Variants in BACH2 observed in about 807,000 individuals in gnomAD.
BACH2 encodes the protein BACH transcriptional regulator 2.
A neutral mutation model predicts 61.8 loss-of-function variants in BACH2; 5 were observed. The ratio of observed to expected loss-of-function variants is 0.08; its 90% CI spans 0.04 to 0.17. The LOEUF is 0.17. Ranked by LOEUF, BACH2 falls within the 10% of genes least tolerant of loss-of-function variation. The pLI is 1.00. For synonymous variants in BACH2, 446 were observed against 440.1 expected, an observed-to-expected ratio of 1.01 and a Z score of -0.17; for missense variants, 824 against 1,091.1, an observed-to-expected ratio of 0.76 and a Z score of 3.45.
intron 8 of BACH2, among the ~76,000 whole-genome samples, chr6:89,933,376 G>A (rs1206678996): frequency 2.6e-5 from 4 of 152,168 alleles, no homozygotes; most frequent in African/African-American, 9.7e-5. Context: ...TGGTTGTTAG[G>A]GGTAAAAGGG....
chr6:90,112,099 C>T (rs1177515735), intron 4 of BACH2, among the ~76,000 whole-genome samples: 1 of 152,204 alleles, frequency 6.6e-6, no homozygotes, highest in Non-Finnish European at 1.5e-5. Context: ...ACCTTCTTGA[C>T]TATTTTTCTG....
At position 90,048,313 on chromosome 6, in the gene BACH2, G is replaced by A. The variant is rs896103199; in HGVS notation, c.-12-39457C>T. 4.6e-5 allele frequency among the ~76,000 whole-genome samples: 7 copies of A among 152,168 alleles called. No individual in the cohort carries two copies. In the East Asian group the frequency reaches 1.2e-3, roughly 25 times the overall value. On this transcript the variant is annotated intron_variant, in intron 5 of 8. Coordinates refer to ENST00000257749, the MANE Select transcript of BACH2 (RefSeq NM_021813.4). ...GCAGCTAATTTTTGTGTTTTTCGTA[G>A]AGACAGGGTCTCACTATATTGCCCA... is the stretch of plus-strand genomic sequence containing the variant.
chr6:90,226,291 T>G (rs1019147143), intron 3 of BACH2, among the ~76,000 whole-genome samples: 2 of 152,174 alleles, frequency 1.3e-5, no homozygotes, highest in Admixed American at 1.3e-4. Flanking sequence ...ATGTTGGCTG[T>G]TTGGTTGAGT....
chr6:90,209,366 C>T (rs555277770), intron 3 of BACH2, among the ~76,000 whole-genome samples: 4 of 152,202 alleles, frequency 2.6e-5, no homozygotes, highest in Admixed American at 1.3e-4. Flanking sequence ...AATTCAATAT[C>T]TAATTGTAAT....
At chr6:90,113,233 CT>C (rs1325304401) in intron 4 of BACH2, among the ~76,000 whole-genome samples, 2 of 152,154 alleles carry the variant, frequency 1.3e-5, no homozygotes, top group Admixed American at 1.3e-4. Flanking sequence ...AGGACCTAAA[CT>C]TAGCACTGGA....
intron 4 of BACH2, among the ~76,000 whole-genome samples, chr6:90,118,427 C>A (rs1166868029): frequency 6.6e-6 from 1 of 152,170 alleles, no homozygotes; most frequent in Non-Finnish European, 1.5e-5. Flanking sequence ...CTCTGGAAGC[C>A]CACTTTATTG....
intron 3 of BACH2, among the ~76,000 whole-genome samples, chr6:90,239,163 G>A (rs1254783208): frequency 6.6e-6 from 1 of 152,158 alleles, no homozygotes; most frequent in Non-Finnish European, 1.5e-5. Context: ...TGTATGTGGT[G>A]TGCCAGGAAC....
At chr6:90,148,487 G>A (rs368466288) in intron 4 of BACH2, among the ~76,000 whole-genome samples, 10 of 152,278 alleles carry the variant, frequency 6.6e-5, no homozygotes, top group African/African-American at 2.4e-4. Flanking sequence ...GCTCTGCCTT[G>A]TTTCCAACAG....
chr6:90,110,136 G>A (rs1391787289), intron 4 of BACH2, among the ~76,000 whole-genome samples: 2 of 152,104 alleles, frequency 1.3e-5, no homozygotes, highest in Non-Finnish European at 2.9e-5. Context: ...GTTGCTCTAT[G>A]GTGTTTTGAT....
intron 4 of BACH2, among the ~76,000 whole-genome samples, chr6:90,137,654 C>G (rs1183886367): frequency 6.6e-6 from 1 of 152,174 alleles, no homozygotes; most frequent in Non-Finnish European, 1.5e-5. Context: ...ACTCCATGAG[C>G]TCATTTTTCT....
chr6:90,240,977 A>G (rs887716303), intron 3 of BACH2, among the ~76,000 whole-genome samples: 12 of 151,962 alleles, frequency 7.9e-5, no homozygotes, highest in African/African-American at 2.9e-4. Context: ...CTAAAAGTAT[A>G]GAAAAAATTA....
intron 5 of BACH2, among the ~76,000 whole-genome samples, chr6:90,033,230 A>G (rs1779097021): frequency 6.6e-6 from 1 of 152,054 alleles, no homozygotes; most frequent in African/African-American, 2.4e-5. Context: ...GGGGGGAGGA[A>G]TAGCATTTTG....
chr6:90,086,195 G>A (rs1392767389), intron 5 of BACH2, among the ~76,000 whole-genome samples: 1 of 152,144 alleles, frequency 6.6e-6, no homozygotes, highest in Admixed American at 6.6e-5. Flanking sequence ...TCCATTGTAT[G>A]TATTAATATA....
intron 4 of BACH2, among the ~76,000 whole-genome samples, chr6:90,156,447 A>G (rs1368999264): frequency 6.6e-6 from 1 of 152,176 alleles, no homozygotes; most frequent in Non-Finnish European, 1.5e-5. Context: ...CTTTTTCTAC[A>G]TGGCATGGCC....
At chr6:90,239,100 T>G (rs1305375459) in intron 3 of BACH2, among the ~76,000 whole-genome samples, 3 of 152,222 alleles carry the variant, frequency 2.0e-5, no homozygotes, top group Admixed American at 6.5e-5. Context: ...CTAGGGTGTT[T>G]GCCAATCAAT....
intron 5 of BACH2, among the ~76,000 whole-genome samples, chr6:90,073,411 AT>A (rs765977870): frequency 6.6e-5 from 10 of 152,254 alleles, no homozygotes; most frequent in Admixed American, 3.9e-4. Flanking sequence ...GAAAGCAATT[AT>A]CAGTAGGCAA....
At chr6:90,000,769 C>T (rs750199518) in intron 6 of BACH2, among the ~76,000 whole-genome samples, 19 of 152,172 alleles carry the variant, frequency 1.2e-4, no homozygotes, top group African/African-American at 3.9e-4. Flanking sequence ...AGTCTCTTTC[C>T]GCTCTTTAGC....
intron 3 of BACH2, among the ~76,000 whole-genome samples, chr6:90,209,655 G>T (rs1265777393): frequency 6.6e-6 from 1 of 152,102 alleles, no homozygotes; most frequent in African/African-American, 2.4e-5. Context: ...AACAGACAAG[G>T]ATTCTTGAAC....
intron 1 of BACH2, among the ~76,000 whole-genome samples, chr6:90,291,010 G>C (rs543964275): frequency 1.3e-5 from 2 of 152,144 alleles, no homozygotes; most frequent in African/African-American, 4.8e-5. Flanking sequence ...GCAACCAAGC[G>C]CCGGCTCTCA....
Sources: allele counts gnomAD v4.1 joint callset (sites outside exome capture counted in the v4.1 genomes callset), GRCh38; gene constraint gnomAD v4.1.1; transcripts MANE v1.5; gene names NCBI Gene and HGNC (gene_info 2026-07-23, HGNC 2026-07-21).